Variants in PTGS2 observed in about 807,000 individuals in gnomAD.
The protein encoded by PTGS2 is prostaglandin-endoperoxide synthase 2.
A neutral mutation model predicts 63.8 loss-of-function variants in PTGS2; 14 were observed. The observed-to-expected ratio is 0.22, with a 90% CI of 0.14 to 0.34. The LOEUF (loss-of-function observed/expected upper bound fraction) is 0.34, where lower values mean the gene tolerates loss of function less well. PTGS2 is among the 10% of genes least tolerant of loss of function. The pLI is 1.00. For synonymous variants in PTGS2, 271 were observed against 259.5 expected (o/e 1.04, Z -0.43); for missense variants, 533 against 738.5 (o/e 0.72, Z 3.23).
rs1665757632 is a variant in PTGS2, at chr1:186,675,132, GC to G, written c.1405+116del. 3.0e-5 allele frequency: 40 copies of G among 1,332,228 alleles called. No individual in the cohort carries two copies. In the South Asian group the frequency reaches 5.1e-4, roughly 17 times the overall value. The allele number at this position is 1,332,228 out of a possible 1,614,324, so 82.5% of individuals were successfully genotyped here. ...GCGGAGGTTGCAGTGAGCCGAGATG[GC>G]GCCACTGCACTCCAGCCTGGGTGAC... On this transcript the variant is annotated intron_variant, in intron 9 of 9. Coordinates refer to ENST00000367468, the MANE Select transcript of PTGS2 (RefSeq NM_000963.4).
At chr1:186,680,134 T>C in intron 1 of PTGS2, 105 bp downstream of exon 1, 1 of 1,489,746 alleles carries the variant, frequency 6.7e-7, no homozygotes, top group Non-Finnish European at 9.1e-7. Flanking sequence ...AGCTTCTCTA[T>C]TCGGAGAGAA....
At position 186,680,291 on chromosome 1, in the gene PTGS2, C is replaced by T; in HGVS notation, c.-1G>A. On this transcript the variant is annotated 5_prime_UTR_variant, in exon 1 of 10. Coordinates refer to ENST00000367468, the MANE Select transcript of PTGS2 (RefSeq NM_000963.4). ...ACAGCAGCAGGGCGCGGGCGAGCATCGCAGCGGCGGGCAGGGCGCGGCGCG... is the reference window on the plus strand; with the variant it reads ...ACAGCAGCAGGGCGCGGGCGAGCATTGCAGCGGCGGGCAGGGCGCGGCGCG... The T allele has an allele frequency of 6.5e-7, 1 of 1,542,074 alleles. No individual in the cohort carries two copies. Among genetic ancestry groups the T allele is most frequent in the Non-Finnish European group, 8.8e-7 (1 of 1,142,810 alleles).
In PTGS2 at chr1:186,672,986, A is replaced by T. The variant is rs202004599; in HGVS notation, c.*1367T>A. The T allele has an allele frequency of 3.3e-5, 5 of 152,110 alleles. No homozygotes were observed. The highest frequency in any genetic ancestry group is 7.4e-5 in the Non-Finnish European group (5 of 67,998). 9.4% of individuals were successfully genotyped at this position (152,110 alleles called of 1,614,324 possible). On this transcript the variant is annotated 3_prime_UTR_variant, in exon 10 of 10. Coordinates refer to ENST00000367468, the MANE Select transcript of PTGS2 (RefSeq NM_000963.4). ...AACTTGCAAAAGTTCAGGTAAGAAA[A>T]TATAGGCAGAGTCCAAAGAAAGTGA...
At chr1:186,676,951 G>C (rs200791582) in intron 5 of PTGS2, 35 bp from the exon 6 acceptor site, 77 of 1,525,444 alleles carry the variant, frequency 5.0e-5, no homozygotes, top group Non-Finnish European at 6.7e-5. Flanking sequence ...ATTTGTTGCT[G>C]TTGAAGTTTT....
At chr1:186,680,094 T>G (rs11567820) in intron 1 of PTGS2, 145 bp downstream of exon 1, 16 of 1,243,426 alleles carry the variant, frequency 1.3e-5, no homozygotes, top group Non-Finnish European at 1.8e-5. Context: ...TTTCGAACTC[T>G]AGCGGTCCAA....
At chr1:186,678,488 A>T in intron 3 of PTGS2, 84 bp from the exon 4 acceptor site, 1 of 1,306,340 alleles carries the variant, frequency 7.7e-7, no homozygotes. Context: ...AAATGTGGAA[A>T]GTGGCACCTG....
chr1:186,675,939 T>C lies in PTGS2; in HGVS notation c.1216A>G (p.Thr406Ala), dbSNP rs765917214. Residue 406 changes from threonine to alanine, a missense_variant, in exon 8 of 10, where the codon ACC becomes GCC. Around this residue, in one of 5 missense-constraint regions of PTGS2, gnomAD observed 219 missense variants for 267.4 expected, o/e 0.82. Coordinates refer to ENST00000367468, the MANE Select transcript of PTGS2 (RefSeq NM_000963.4). ...NNSILLEHGI[T>A]QFVESFTRQI... Reference sequence around the variant, plus strand: ...CTGGTGAATGATTCAACAAACTGGGTAATTCCATGTTCCAGCAATATAGAG... The same window carrying C: ...CTGGTGAATGATTCAACAAACTGGGCAATTCCATGTTCCAGCAATATAGAG... 2 of 1,613,914 alleles carry C rather than the reference T, an allele frequency of 1.2e-6. No homozygotes were observed. Among genetic ancestry groups the C allele is most frequent in the Non-Finnish European group, 1.7e-6 (2 of 1,179,930 alleles).
chr1:186,679,083 A>G lies in PTGS2; in HGVS notation c.288T>C (p.Asn96=), dbSNP rs201906674. 1.2e-4 allele frequency: 189 copies of G among 1,613,948 alleles called. 2 individuals are homozygous for G. The highest frequency in any genetic ancestry group is 5.5e-4 in the South Asian group (50 of 91,064). Residue 96 remains asparagine (N), a synonymous_variant, in exon 3 of 10, where the codon AAT becomes AAC. Coordinates refer to ENST00000367468, the MANE Select transcript of PTGS2 (RefSeq NM_000963.4). The stretch of plus-strand genomic sequence containing the variant: ...ATGTCAACACATAACTCATAATTGC[A>G]TTTCGAAGGAAGGGAATGTTATTCA... ...NVVNNIPFLR[N]AIMSYVLTSR...
intron 8 of PTGS2, 33 bp downstream of exon 8, chr1:186,675,865 T>C (rs772503332): frequency 6.4e-7 from 1 of 1,566,634 alleles, no homozygotes; most frequent in South Asian, 1.2e-5. Context: ...TACTGACTAG[T>C]CTTTTGTTTT....
Position 186,677,793 on chromosome 1 carries a change from T to C in PTGS2, c.495A>G (p.Glu165=). 3.1e-6 allele frequency: 5 copies of C among 1,613,544 alleles called. No individual in the cohort carries two copies. Among genetic ancestry groups the C allele is most frequent in the Non-Finnish European group, 4.2e-6 (5 of 1,179,824 alleles). Residue 165 remains glutamate (E), a synonymous_variant, in exon 5 of 10, where the codon GAA becomes GAG. Coordinates refer to ENST00000367468, the MANE Select transcript of PTGS2 (RefSeq NM_000963.4). ...TGAACTTTCTTCTTAGAAGCAATTT[T>C]TCCACAATCTCATTTGAATCAGGAA... ...KQLPDSNEIV[E]KLLLRRKFIP...
In PTGS2 at chr1:186,675,372, G is replaced by A. The variant is rs4648279; in HGVS notation, c.1282C>T (p.Pro428Ser). 6 of 1,613,068 alleles carry A rather than the reference G, an allele frequency of 3.7e-6. No homozygotes were observed. Among genetic ancestry groups the A allele is most frequent in the East Asian group, 2.2e-5 (1 of 44,860 alleles). ...GRVAGGRNVP[P>S]AVQKVSQASI... is the part of the protein sequence containing the mutation. ...GCCTGTGATACTTTCTGTACTGCGG[G>A]TGGAACATTCCTACCACCAGCAACC... Residue 428 changes from proline (P) to serine (S), a missense_variant, in exon 9 of 10, where the codon CCC (proline) becomes TCC (serine). Pro to Ser is a moderately conservative substitution (Grantham distance 74). Transcript: ENST00000367468.
chr1:186,676,570 T>A lies in PTGS2; in HGVS notation c.867A>T (p.Thr289=). Residue 289 remains threonine, a synonymous_variant, in exon 7 of 10, where the codon ACA becomes ACT. Transcript: ENST00000367468. ...GLVPGLMMYA[T]IWLREHNRVC... is the part of the protein sequence containing the mutation. ...CTCTGTTGTGTTCCCGCAGCCAGAT[T>A]GTGGCATACATCATCAGACCAGGCA... 3 of 1,614,130 alleles carry A rather than the reference T, an allele frequency of 1.9e-6. No individual in the cohort carries two copies. Among genetic ancestry groups the A allele is most frequent in the Non-Finnish European group, 2.5e-6 (3 of 1,180,016 alleles).
intron 1 of PTGS2, 151 bp from the exon 2 acceptor site, chr1:186,679,589 A>G: frequency 1.6e-6 from 1 of 633,234 alleles, no homozygotes; most frequent in Non-Finnish European, 2.7e-6. Flanking sequence ...CTGCCTTAGA[A>G]TGGATAAAAC....
In PTGS2 at chr1:186,673,759, A is replaced by G. The variant is rs138908498; in HGVS notation, c.*594T>C. The G allele has an allele frequency of 3.3e-5, 5 of 152,344 alleles. No individual in the cohort carries two copies. The highest frequency in any genetic ancestry group is 1.2e-4 in the African/African-American group (5 of 41,594). 9.4% of individuals were successfully genotyped at this position (152,344 alleles called of 1,614,324 possible). ...TATGTACAAGTTTAATAACTTTAAG[A>G]AATCAAACAAGCTTTTACAGGTGAT... On this transcript the variant is annotated 3_prime_UTR_variant, in exon 10 of 10. Coordinates refer to ENST00000367468, the MANE Select transcript of PTGS2 (RefSeq NM_000963.4).
In PTGS2 at chr1:186,679,176, T is replaced by C. The variant is rs1473341278; in HGVS notation, c.195A>G (p.Leu65=). 2 of 1,613,282 alleles carry C rather than the reference T, an allele frequency of 1.2e-6. No individual in the cohort carries two copies. Among genetic ancestry groups the C allele is most frequent in the South Asian group, 2.2e-5 (2 of 90,838 alleles). ...STPEFLTRIK[L]FLKPTPNTVH... Reference sequence around the variant, plus strand: ...CTGTGTTTGGAGTGGGTTTCAGAAATAATTTTATTCTTGTCAAAAATTCCG... The same window carrying C: ...CTGTGTTTGGAGTGGGTTTCAGAAACAATTTTATTCTTGTCAAAAATTCCG... Residue 65 remains leucine, a synonymous_variant, in exon 3 of 10, where the codon TTA becomes TTG. Coordinates refer to ENST00000367468, the MANE Select transcript of PTGS2 (RefSeq NM_000963.4).
Position 186,676,724 on chromosome 1 carries a change from A to T in PTGS2, c.724-11T>A, listed in dbSNP as rs1267972845. The T allele has an allele frequency of 6.3e-7, 1 of 1,590,042 alleles. No individual in the cohort carries two copies. The highest frequency in any genetic ancestry group is 1.1e-5 in the South Asian group (1 of 88,242). On this transcript the variant is annotated splice_polypyrimidine_tract_variant and intron_variant, in intron 6 of 9. Coordinates refer to ENST00000367468, the MANE Select transcript of PTGS2 (RefSeq NM_000963.4). ...CTCTCCATCAATTATCTAAAAAAAT[A>T]AATAAATAAATAAACATCAGTTAAA...
chr1:186,678,235 A>G (rs756752862), intron 4 of PTGS2, 26 bp downstream of exon 4: 5 of 1,573,518 alleles, frequency 3.2e-6, no homozygotes, highest in South Asian at 1.2e-5. Context: ...TAGTTAATAC[A>G]TCTCTAATGG....
rs1047442397 is a variant in PTGS2 at position 186,672,040 on chromosome 1, C to T, written c.*2313G>A. 2.0e-5 allele frequency: 3 copies of T among 151,732 alleles called. No homozygotes were observed. Among genetic ancestry groups the T allele is most frequent in the African/African-American group, 7.3e-5 (3 of 41,350 alleles). 9.4% of individuals were successfully genotyped at this position (151,732 alleles called of 1,614,324 possible). A position where few individuals can be genotyped will look rare whatever the true frequency, so the allele number is the denominator to read the frequency against. ...TTTTATACAAGCATATTGACTATTTCTTTCTTAACCTTAAACATTCTAAAC... is the reference window on the plus strand; with the variant it reads ...TTTTATACAAGCATATTGACTATTTTTTTCTTAACCTTAAACATTCTAAAC... On this transcript the variant is annotated 3_prime_UTR_variant, in exon 10 of 10. Coordinates refer to ENST00000367468, the MANE Select transcript of PTGS2 (RefSeq NM_000963.4).
chr1:186,678,777 G>C (rs1388264317), intron 3 of PTGS2, among the ~76,000 whole-genome samples: 1 of 152,102 alleles, frequency 6.6e-6, no homozygotes, highest in East Asian at 1.9e-4. Context: ...GAACAATTCT[G>C]TGGCCCATGG....
Sources: allele counts gnomAD v4.1 joint callset (sites outside exome capture counted in the v4.1 genomes callset), GRCh38; gene constraint gnomAD v4.1.1; regional missense constraint gnomAD v4.1.1; transcripts MANE v1.5; gene names NCBI Gene and HGNC (gene_info 2026-07-23, HGNC 2026-07-21).